NME7: variants seen among roughly 807,000 people sequenced by gnomAD.
The protein encoded by NME7 is nucleoside diphosphate kinase 7.
In NME7, 41 loss-of-function variants were observed where a neutral mutation model predicts 49.1. That is an observed-to-expected ratio of 0.83 (90% confidence interval 0.65 to 1.08). The LOEUF (loss-of-function observed/expected upper bound fraction) is 1.08. NME7 is among the 50% of genes least tolerant of loss of function. NME7 has a pLI of 0.00. For synonymous variants in NME7, 139 were observed against 150.6 expected (o/e 0.92, Z 0.56); for missense variants, 423 against 463.4 (o/e 0.91, Z 0.80).
At chr1:169,224,531 C>T (rs959796813) in intron 10 of NME7, among the ~76,000 whole-genome samples, 3 of 151,968 alleles carry the variant, frequency 2.0e-5, no homozygotes, top group African/African-American at 7.3e-5. Flanking sequence ...CATATATACA[C>T]ACATTTATAC....
At chr1:169,154,548 C>G (rs1042289250) in intron 11 of NME7, among the ~76,000 whole-genome samples, 2 of 152,024 alleles carry the variant, frequency 1.3e-5, no homozygotes, top group Non-Finnish European at 2.9e-5. Context: ...TGGCTCACAC[C>G]TGTAATCCCA....
At chr1:169,241,075 T>C (rs981152891) in intron 7 of NME7, among the ~76,000 whole-genome samples, 6 of 152,132 alleles carry the variant, frequency 3.9e-5, no homozygotes, top group Non-Finnish European at 8.8e-5. Context: ...GTGCAAACAA[T>C]TGTGAATAGG....
chr1:169,145,572 G>T (rs919012217), intron 11 of NME7, among the ~76,000 whole-genome samples: 5 of 152,142 alleles, frequency 3.3e-5, no homozygotes, highest in African/African-American at 1.2e-4. Flanking sequence ...TCCATAGATA[G>T]CCTCATTGTA....
intron 1 of NME7, among the ~76,000 whole-genome samples, chr1:169,347,109 G>A (rs924285365): frequency 6.6e-6 from 1 of 152,176 alleles, no homozygotes. Flanking sequence ...TACTCAGGAG[G>A]CTGAGGCACG....
chr1:169,248,505 T>C lies in NME7; in HGVS notation c.755-10818A>G, dbSNP rs978576565. On this transcript the variant is annotated intron_variant, in intron 7 of 11. Transcript: ENST00000367811. ...TAATTAGGTCCTATTTATTTATTTT[T>C]ATTTTAGTTGCATTTGCTTTTGGGG... is the stretch of plus-strand genomic sequence containing the variant. 2.0e-5 allele frequency among the ~76,000 whole-genome samples: 3 copies of C among 152,074 alleles called. No individual in the cohort carries two copies. In the East Asian group the frequency reaches 5.8e-4, roughly 29 times the overall value.
At chr1:169,250,066 T>C (rs190554204) in intron 7 of NME7, among the ~76,000 whole-genome samples, 250 of 152,222 alleles carry the variant, frequency 1.6e-3, no homozygotes, top group Non-Finnish European at 3.0e-3. Context: ...TCTCTGAATG[T>C]CTGGTAGGAT....
intron 7 of NME7, among the ~76,000 whole-genome samples, chr1:169,270,625 GGCA>G (rs1238630402): frequency 7.5e-6 from 1 of 133,594 alleles, no homozygotes; most frequent in Non-Finnish European, 1.8e-5. Flanking sequence ...TGATATTAGT[GGCA>G]GCAGCAGTAG....
At chr1:169,315,121 T>C (rs904518770) in intron 3 of NME7, among the ~76,000 whole-genome samples, 29 of 152,068 alleles carry the variant, frequency 1.9e-4, no homozygotes, top group African/African-American at 6.5e-4. Flanking sequence ...ACCTTGGCAA[T>C]TGATAGAATA....
intron 10 of NME7, among the ~76,000 whole-genome samples, chr1:169,223,678 G>A (rs1042242049): frequency 6.6e-5 from 10 of 152,052 alleles, no homozygotes; most frequent in African/African-American, 2.4e-4. Context: ...CTTCTCTGAG[G>A]ATCTTCATTT....
chr1:169,317,720 T>C (rs1481401052), intron 3 of NME7, among the ~76,000 whole-genome samples: 4 of 151,810 alleles, frequency 2.6e-5, no homozygotes, highest in Non-Finnish European at 4.4e-5. Context: ...CCCCGAGAAG[T>C]AGCCATAGTC....
At chr1:169,221,688 T>C (rs1661144346) in intron 10 of NME7, among the ~76,000 whole-genome samples, 1 of 151,542 alleles carries the variant, frequency 6.6e-6, no homozygotes, top group South Asian at 2.1e-4. Flanking sequence ...TATATTTATA[T>C]ATATTTATAT....
At chr1:169,352,594 G>A (rs1372628952) in intron 1 of NME7, among the ~76,000 whole-genome samples, 1 of 151,852 alleles carries the variant, frequency 6.6e-6, no homozygotes, top group Non-Finnish European at 1.5e-5. Context: ...ATGAGAGAAA[G>A]GGCATCCAAA....
At chr1:169,190,628 G>C (rs7526721) in intron 10 of NME7, 14 of 422,468 alleles carry the variant, frequency 3.3e-5, no homozygotes, top group South Asian at 2.4e-4. Flanking sequence ...AAAAATGTTT[G>C]ATTTTAATAC....
intron 10 of NME7, among the ~76,000 whole-genome samples, chr1:169,193,888 A>G (rs1473736778): frequency 7.2e-6 from 1 of 139,282 alleles, no homozygotes; most frequent in Non-Finnish European, 1.6e-5. Context: ...TAAAGAAAAC[A>G]GTATCACTTG....
intron 5 of NME7, among the ~76,000 whole-genome samples, chr1:169,300,022 C>T (rs1439863877): frequency 6.6e-6 from 1 of 152,226 alleles, no homozygotes; most frequent in Admixed American, 6.5e-5. Context: ...TCTCAAAACA[C>T]ACAATTGAAT....
At chr1:169,194,003 A>T (rs1660304969) in intron 10 of NME7, among the ~76,000 whole-genome samples, 1 of 152,280 alleles carries the variant, frequency 6.6e-6, no homozygotes, top group East Asian at 1.9e-4. Flanking sequence ...AGGAACTGAA[A>T]GGCACTTTTT....
chr1:169,232,924 T>C (rs1249393791), intron 9 of NME7, among the ~76,000 whole-genome samples: 69 of 140,906 alleles, frequency 4.9e-4, no homozygotes, highest in African/African-American at 1.5e-3. Flanking sequence ...TTTTTTTTTT[T>C]TTTTTTTTTT....
At chr1:169,316,804 T>C (rs1439361589) in intron 3 of NME7, among the ~76,000 whole-genome samples, 1 of 152,188 alleles carries the variant, frequency 6.6e-6, no homozygotes, top group Admixed American at 6.6e-5. Flanking sequence ...TGCAGTCTTA[T>C]CAACACCTGA....
intron 7 of NME7, among the ~76,000 whole-genome samples, chr1:169,265,396 G>C (rs1649288090): frequency 7.5e-6 from 1 of 133,316 alleles, no homozygotes. Flanking sequence ...GGTAAATAAT[G>C]AAATTAAGGC....
Sources: gnomAD v4.1 joint callset for allele counts (sites outside exome capture counted in the v4.1 genomes callset) on GRCh38, gnomAD v4.1.1 for gene constraint, MANE v1.5 for transcripts, NCBI Gene and HGNC (gene_info 2026-07-23, HGNC 2026-07-21) for gene names.